Variants in KCNQ5 observed in about 807,000 individuals in gnomAD.
The protein encoded by KCNQ5 is potassium voltage-gated channel subfamily Q member 5, also known as potassium voltage-gated channel subfamily KQT member 5.
Under a neutral mutation model 98.2 loss-of-function variants are expected in KCNQ5, and 30 were observed. The ratio of observed to expected loss-of-function variants is 0.31; its 90% CI spans 0.23 to 0.41. The LOEUF is 0.41. Among genes scored for constraint, KCNQ5 ranks in the 10% least tolerant of loss-of-function variants. The pLI, the probability that KCNQ5 is intolerant of heterozygous loss-of-function variation, is 1.00. For missense variants in KCNQ5, 835 were observed against 1,182.5 expected, an observed-to-expected ratio of 0.71 and a Z score of 4.31; for synonymous variants, 458 against 449.4, an observed-to-expected ratio of 1.02 and a Z score of -0.24.
At chr6:73,137,339 G>A (rs958733975) in intron 10 of KCNQ5, among the ~76,000 whole-genome samples, 6 of 152,184 alleles carry the variant, frequency 3.9e-5, no homozygotes, top group African/African-American at 9.7e-5. Flanking sequence ...GTAGAAAGTA[G>A]CAGGCAGATG....
chr6:73,188,077 T>A (rs1765448419), intron 11 of KCNQ5, among the ~76,000 whole-genome samples: 1 of 152,184 alleles, frequency 6.6e-6, no homozygotes, highest in Non-Finnish European at 1.5e-5. Flanking sequence ...AGCTTGCGCC[T>A]CTTCTACCAC....
chr6:73,000,259 G>T (rs751835143), intron 1 of KCNQ5, among the ~76,000 whole-genome samples: 2 of 152,156 alleles, frequency 1.3e-5, no homozygotes, highest in Non-Finnish European at 2.9e-5. Flanking sequence ...CTCTGTGTCA[G>T]TTCAGTGTTT....
intron 1 of KCNQ5, among the ~76,000 whole-genome samples, chr6:72,796,320 C>T (rs1187544279): frequency 6.6e-6 from 1 of 152,134 alleles, no homozygotes; most frequent in Non-Finnish European, 1.5e-5. Context: ...TTTGAGTTTA[C>T]ATTTGAAAAT....
At chr6:73,037,453 A>T (rs1771487834) in intron 2 of KCNQ5, among the ~76,000 whole-genome samples, 1 of 152,176 alleles carries the variant, frequency 6.6e-6, no homozygotes, top group African/African-American at 2.4e-5. Flanking sequence ...TCCAAATCCC[A>T]AAAATATCTC....
rs200809986 is a variant in KCNQ5 at position 72,644,017 on chromosome 6, G to GA, written c.398+21439dup. Among the ~76,000 whole-genome samples the GA allele has an allele frequency of 2.2e-3, 328 of 148,072 alleles. 3 individuals carry two copies. The highest frequency in any genetic ancestry group is 7.5e-3 in the African/African-American group (301 of 40,384). On this transcript the variant is annotated intron_variant, in intron 1 of 13. Coordinates refer to ENST00000370398, the MANE Select transcript of KCNQ5 (RefSeq NM_019842.4). ...CATGGTATAGCATGATTTCTAAAATGAAAAAAAAACACACAAGGTATAAAC... is the reference window on the plus strand; with the variant it reads ...CATGGTATAGCATGATTTCTAAAATGAAAAAAAAAACACACAAGGTATAAAC...
intron 1 of KCNQ5, among the ~76,000 whole-genome samples, chr6:72,797,576 A>C (rs1250926678): frequency 6.6e-6 from 1 of 152,080 alleles, no homozygotes; most frequent in African/African-American, 2.4e-5. Flanking sequence ...CTAACATGCT[A>C]TCAGAGCTCA....
At chr6:72,826,581 A>G (rs986687935) in intron 1 of KCNQ5, among the ~76,000 whole-genome samples, 1 of 151,920 alleles carries the variant, frequency 6.6e-6, no homozygotes, top group African/African-American at 2.4e-5. Flanking sequence ...CTTGGGTTTT[A>G]AAAAAATGTT....
chr6:73,120,222 G>A (rs1255326794), intron 7 of KCNQ5, among the ~76,000 whole-genome samples: 1 of 151,912 alleles, frequency 6.6e-6, no homozygotes, highest in Non-Finnish European at 1.5e-5. Context: ...CTCCAGCCTG[G>A]GCAACAGAGT....
intron 1 of KCNQ5, among the ~76,000 whole-genome samples, chr6:72,938,287 G>T (rs1582049458): frequency 6.6e-6 from 1 of 152,088 alleles, no homozygotes. Context: ...AATGATCAGG[G>T]GACTTCTATT....
intron 1 of KCNQ5, among the ~76,000 whole-genome samples, chr6:72,916,773 C>T (rs529445614): frequency 1.3e-5 from 2 of 151,786 alleles, no homozygotes; most frequent in Admixed American, 6.6e-5. Context: ...TTTTATATAC[C>T]CCCCCAAAAA....
At chr6:72,667,874 C>T (rs1272973085) in intron 1 of KCNQ5, among the ~76,000 whole-genome samples, 2 of 151,970 alleles carry the variant, frequency 1.3e-5, no homozygotes, top group Non-Finnish European at 2.9e-5. Flanking sequence ...AATAACTGAC[C>T]AATAATCTTC....
intron 1 of KCNQ5, among the ~76,000 whole-genome samples, chr6:72,653,636 GTGTGCTAAATACTAATTCA>G (rs1162363890): frequency 1.3e-5 from 2 of 152,046 alleles, no homozygotes; most frequent in African/African-American, 4.8e-5. Flanking sequence ...CAGTCCAAAT[GTGTGCTAAATACTAATTCA>G]TGTTGTTAAA....
chr6:72,775,942 T>C (rs1773140779), intron 1 of KCNQ5, among the ~76,000 whole-genome samples: 2 of 152,098 alleles, frequency 1.3e-5, no homozygotes, highest in Non-Finnish European at 2.9e-5. Flanking sequence ...GAAAAAATGA[T>C]ATGAGGTAAA....
rs1773591643 is a variant in KCNQ5 at position 73,077,672 on chromosome 6, T to C, written c.793-90T>C. 2.3e-5 allele frequency: 30 copies of C among 1,327,870 alleles called. No individual in the cohort carries two copies. The South Asian group carries it at 3.9e-4, about 17-fold the overall frequency. The allele number at this position is 1,327,870 out of a possible 1,614,324, so 82.3% of individuals were successfully genotyped here. A position where few individuals can be genotyped will look rare whatever the true frequency, so the allele number is the denominator to read the frequency against. ...AGAGCCATCATAAACATCCAAGAAG[T>C]AGTAAAGTGAATAGAATCCTCATAG... On this transcript the variant is annotated intron_variant, in intron 4 of 13. Coordinates refer to ENST00000370398, the MANE Select transcript of KCNQ5 (RefSeq NM_019842.4).
intron 1 of KCNQ5, among the ~76,000 whole-genome samples, chr6:72,919,973 G>C (rs532516366): frequency 6.6e-6 from 1 of 152,272 alleles, no homozygotes; most frequent in Admixed American, 6.5e-5. Flanking sequence ...CTCACCAAAA[G>C]TGTCTTGCAG....
At position 72,622,263 on chromosome 6, in the gene KCNQ5, C is replaced by A; in HGVS notation, c.74C>A (p.Ala25Glu). 1 of 1,268,184 alleles carries A rather than the reference C, an allele frequency of 7.9e-7. No individual in the cohort carries two copies. The highest frequency in any genetic ancestry group is 9.9e-7 in the Non-Finnish European group (1 of 1,011,046). 78.6% of individuals were successfully genotyped at this position (1,268,184 alleles called of 1,614,324 possible). ...GLWVKSGAAA[A>E]AAGGGRLGSG... ...TGGGTGAAGAGCGGCGCAGCGGCGGCGGCGGCGGGCGGGGGGCGCTTGGGC... is the reference window on the plus strand; with the variant it reads ...TGGGTGAAGAGCGGCGCAGCGGCGGAGGCGGCGGGCGGGGGGCGCTTGGGC... The change falls in exon 1 of 14, where the codon GCG becomes GAG. Residue 25 changes from alanine (A) to glutamate (E), a missense_variant. This residue lies in a region of KCNQ5 where 80 missense variants were observed against 72.3 expected (regional missense o/e 1.11). Transcript: ENST00000370398. This position sits in a 1 kb window ranked among gnomAD's most constrained non-coding sequence, Gnocchi z 6.0.
chr6:73,151,683 A>G (rs1231225101), intron 10 of KCNQ5, among the ~76,000 whole-genome samples: 1 of 152,204 alleles, frequency 6.6e-6, no homozygotes, highest in East Asian at 1.9e-4. Flanking sequence ...CTTTGAGAAC[A>G]CATTCTGGAA....
chr6:72,789,153 A>G (rs999307606), intron 1 of KCNQ5, among the ~76,000 whole-genome samples: 8 of 148,804 alleles, frequency 5.4e-5, no homozygotes, highest in African/African-American at 1.5e-4. Flanking sequence ...GTTCATGTGT[A>G]TGTGTGTGTG....
chr6:72,966,173 T>G (rs1767601362), intron 1 of KCNQ5, among the ~76,000 whole-genome samples: 1 of 152,228 alleles, frequency 6.6e-6, no homozygotes, highest in African/African-American at 2.4e-5. Flanking sequence ...ATATATTACT[T>G]TGTTATTTAT....
Sources: gnomAD v4.1 joint callset for allele counts (sites outside exome capture counted in the v4.1 genomes callset) on GRCh38, gnomAD v4.1.1 for gene constraint, gnomAD v4.1.1 regional missense constraint, Gnocchi (gnomAD v3.1) non-coding constraint, MANE v1.5 for transcripts, NCBI Gene and HGNC (gene_info 2026-07-23, HGNC 2026-07-21) for gene names.